Variants in SGMS1 observed in about 807,000 individuals in gnomAD.
The protein encoded by SGMS1 is phosphatidylcholine:ceramide cholinephosphotransferase 1.
In SGMS1, 13 loss-of-function variants were observed where a neutral mutation model predicts 46.2. The observed-to-expected ratio is 0.28, with a 90% CI of 0.18 to 0.45. SGMS1 has a LOEUF of 0.45. Ranked by LOEUF, SGMS1 falls within the 20% of genes least tolerant of loss-of-function variation. The pLI, the probability that SGMS1 is intolerant of heterozygous loss-of-function variation, is 1.00. For missense variants in SGMS1, 324 were observed against 519.9 expected (o/e 0.62, Z 3.66); for synonymous variants, 203 against 187.8 (o/e 1.08, Z -0.66).
At chr10:50,495,678 G>C (rs1482095278) in intron 3 of SGMS1, among the ~76,000 whole-genome samples, 1 of 151,546 alleles carries the variant, frequency 6.6e-6, no homozygotes, top group East Asian at 1.9e-4. Context: ...AAAACATTTT[G>C]TTAATTTCAT....
At chr10:50,589,250 C>T (rs1315317004) in intron 2 of SGMS1, among the ~76,000 whole-genome samples, 6 of 152,146 alleles carry the variant, frequency 3.9e-5, no homozygotes, top group Non-Finnish European at 8.8e-5. Flanking sequence ...TTAAAGAAAT[C>T]ACTCTCTCTC....
chr10:50,366,228 T>C (rs896655272), intron 6 of SGMS1, among the ~76,000 whole-genome samples: 16 of 152,024 alleles, frequency 1.1e-4, no homozygotes, highest in African/African-American at 3.4e-4. Flanking sequence ...TAAACAAATT[T>C]ATAAGAAAAA....
chr10:50,444,955 T>C (rs577729729), intron 5 of SGMS1, among the ~76,000 whole-genome samples: 1 of 152,278 alleles, frequency 6.6e-6, no homozygotes, highest in African/African-American at 2.4e-5. Context: ...TCACCATACA[T>C]GTATCTGACC....
chr10:50,358,206 A>C lies in SGMS1; in HGVS notation c.-231-13861T>G, dbSNP rs1848187404. On this transcript the variant is annotated intron_variant, in intron 6 of 10. Coordinates refer to ENST00000361781, the MANE Select transcript of SGMS1 (RefSeq NM_147156.4). The stretch of plus-strand genomic sequence containing the variant: ...AGTATATACATGACTTTACTCTGAA[A>C]GCTTACAGTTGACTTAAAGGAAGAT... 2.7e-5 allele frequency among the ~76,000 whole-genome samples: 3 copies of C among 112,954 alleles called. No individual in the cohort carries two copies. In the South Asian group the frequency reaches 9.5e-4, roughly 36 times the overall value. The allele number at this position is 112,954 out of a possible 152,430, so 74.1% of individuals were successfully genotyped here.
At chr10:50,449,837 T>A (rs1837078681) in intron 5 of SGMS1, among the ~76,000 whole-genome samples, 1 of 134,720 alleles carries the variant, frequency 7.4e-6, no homozygotes, top group Non-Finnish European at 1.6e-5. Flanking sequence ...ATTAGCTCCA[T>A]AATACACGTG....
chr10:50,512,274 C>T (rs1233655685), intron 3 of SGMS1, among the ~76,000 whole-genome samples: 1 of 152,020 alleles, frequency 6.6e-6, no homozygotes, highest in Non-Finnish European at 1.5e-5. Flanking sequence ...TGATAGCACT[C>T]AGAACCAAGC....
At chr10:50,475,236 T>C (rs1029171366) in intron 3 of SGMS1, among the ~76,000 whole-genome samples, 3 of 152,226 alleles carry the variant, frequency 2.0e-5, no homozygotes, top group African/African-American at 4.8e-5. Context: ...CCCCAAACAT[T>C]ACATTTTATT....
At chr10:50,529,602 G>A (rs185564472) in intron 2 of SGMS1, among the ~76,000 whole-genome samples, 13 of 152,262 alleles carry the variant, frequency 8.5e-5, no homozygotes, top group Admixed American at 8.5e-4. Context: ...CACTTTGGGG[G>A]TGAAAAATGC....
chr10:50,354,005 G>A (rs896378156), intron 6 of SGMS1, among the ~76,000 whole-genome samples: 6 of 152,022 alleles, frequency 3.9e-5, no homozygotes, highest in Non-Finnish European at 7.4e-5. Context: ...CGTGAAAATG[G>A]CCATACTGCC....
intron 6 of SGMS1, among the ~76,000 whole-genome samples, chr10:50,433,035 G>T (rs577440381): frequency 6.6e-6 from 1 of 152,214 alleles, no homozygotes; most frequent in Non-Finnish European, 1.5e-5. Flanking sequence ...TGTAGACAAA[G>T]AACTCAATTT....
At chr10:50,550,365 C>G (rs551107691) in intron 2 of SGMS1, among the ~76,000 whole-genome samples, 4 of 152,190 alleles carry the variant, frequency 2.6e-5, no homozygotes, top group Non-Finnish European at 5.9e-5. Context: ...CCCAATGAAG[C>G]AACTGCAAGT....
intron 1 of SGMS1, among the ~76,000 whole-genome samples, chr10:50,593,495 A>C (rs1327083708): frequency 1.3e-5 from 2 of 152,210 alleles, no homozygotes; most frequent in East Asian, 1.9e-4. Flanking sequence ...CCAGTGTTTA[A>C]ATTTTTTTTT....
chr10:50,575,917 G>A (rs1433881073), intron 2 of SGMS1, among the ~76,000 whole-genome samples: 1 of 149,842 alleles, frequency 6.7e-6, no homozygotes, highest in Non-Finnish European at 1.5e-5. Flanking sequence ...GTTAACACAT[G>A]TTTCTGATCT....
intron 5 of SGMS1, among the ~76,000 whole-genome samples, chr10:50,440,436 T>C (rs1244052790): frequency 2.0e-5 from 3 of 152,150 alleles, no homozygotes; most frequent in Non-Finnish European, 4.4e-5. Flanking sequence ...TCTCCTCACA[T>C]GAATTTAAAC....
intron 2 of SGMS1, among the ~76,000 whole-genome samples, chr10:50,533,169 GA>G (rs1263579906): frequency 6.6e-6 from 1 of 152,150 alleles, no homozygotes; most frequent in Non-Finnish European, 1.5e-5. Flanking sequence ...TCTAAAAACA[GA>G]AACACTATTA....
chr10:50,381,213 G>A (rs1364056208), intron 6 of SGMS1, among the ~76,000 whole-genome samples: 1 of 151,498 alleles, frequency 6.6e-6, no homozygotes. Context: ...AATTTAAAAA[G>A]GGTTTGCCTG....
intron 1 of SGMS1, among the ~76,000 whole-genome samples, chr10:50,620,735 T>A (rs1318027221): frequency 6.6e-6 from 1 of 152,244 alleles, no homozygotes; most frequent in Admixed American, 6.5e-5. Context: ...TTGATGCCTG[T>A]GTGCAAACAA....
intron 5 of SGMS1, among the ~76,000 whole-genome samples, chr10:50,440,218 A>G (rs989718477): frequency 1.4e-4 from 21 of 151,942 alleles, no homozygotes; most frequent in African/African-American, 4.1e-4. Flanking sequence ...AAAACACCCC[A>G]GGTCACATCC....
intron 6 of SGMS1, among the ~76,000 whole-genome samples, chr10:50,416,250 C>T (rs1211864306): frequency 1.3e-5 from 2 of 152,150 alleles, no homozygotes; most frequent in Non-Finnish European, 2.9e-5. Context: ...AATAACCAAC[C>T]TTAAATGCTA....
Sources: gnomAD v4.1 joint callset for allele counts (sites outside exome capture counted in the v4.1 genomes callset) on GRCh38, gnomAD v4.1.1 for gene constraint, MANE v1.5 for transcripts, NCBI Gene and HGNC (gene_info 2026-07-23, HGNC 2026-07-21) for gene names.